ARID2: variants seen among roughly 807,000 people sequenced by gnomAD.
The protein encoded by ARID2 is AT-rich interaction domain 2.
In ARID2, 32 loss-of-function variants were observed where a neutral mutation model predicts 184.6. That is an observed-to-expected ratio of 0.17 (90% CI 0.13 to 0.23). The LOEUF (loss-of-function observed/expected upper bound fraction) is 0.23. ARID2 is among the 10% of genes least tolerant of loss of function. The pLI, the probability that ARID2 is intolerant of heterozygous loss-of-function variation, is 1.00. For synonymous variants in ARID2, 836 were observed against 772.6 expected, an observed-to-expected ratio of 1.08 and a Z score of -1.36; for missense variants, 1,696 against 2,197.6, an observed-to-expected ratio of 0.77 and a Z score of 4.56.
At chr12:45,786,666 T>G (rs916995320) in intron 3 of ARID2, among the ~76,000 whole-genome samples, 4 of 152,234 alleles carry the variant, frequency 2.6e-5, no homozygotes, top group African/African-American at 9.6e-5. Flanking sequence ...GAAATCAGTA[T>G]ATTGAAGAGG....
chr12:45,851,715 C>G lies in ARID2; in HGVS notation c.3592C>G (p.Pro1198Ala), dbSNP rs757713971. 3 of 1,614,132 alleles carry G rather than the reference C, an allele frequency of 1.9e-6. No individual in the cohort carries two copies. Among genetic ancestry groups the G allele is most frequent in the Non-Finnish European group, 2.5e-6 (3 of 1,180,008 alleles). ...SQGNATQLIA[P>A]AGITMSGTQT... ...GGGAAATGCAACTCAGCTCATTGCT[C>G]CAGCAGGAATTACCATGAGCGGAAC... The change falls in exon 15 of 21, where the codon CCA (proline) becomes GCA (alanine). Residue 1198 changes from proline (P) to alanine (A), a missense_variant. By Grantham distance (27) the Pro-to-Ala change is conservative. Around this residue, in one of 11 missense-constraint regions of ARID2, gnomAD observed 428 missense variants for 409.1 expected, o/e 1.05. Coordinates refer to ENST00000334344, the MANE Select transcript of ARID2 (RefSeq NM_152641.4).
intron 3 of ARID2, among the ~76,000 whole-genome samples, chr12:45,768,612 G>C (rs113329943): frequency 1.5e-3 from 226 of 152,258 alleles, no homozygotes; most frequent in African/African-American, 5.2e-3. Context: ...AAAAACAGGA[G>C]GGTGCGGTGA....
At chr12:45,872,671 G>A (rs1335821539) in intron 16 of ARID2, among the ~76,000 whole-genome samples, 2 of 152,186 alleles carry the variant, frequency 1.3e-5, no homozygotes, top group Admixed American at 1.3e-4. Context: ...ACAGCAGCAC[G>A]GGCGTAACCG....
chr12:45,826,348 A>G (rs1386513223), intron 6 of ARID2, among the ~76,000 whole-genome samples: 1 of 152,094 alleles, frequency 6.6e-6, no homozygotes, highest in Non-Finnish European at 1.5e-5. Context: ...ATTTGAATTA[A>G]TAGTTAAATA....
intron 20 of ARID2, among the ~76,000 whole-genome samples, chr12:45,895,443 T>G (rs1363431523): frequency 6.6e-5 from 10 of 152,242 alleles, no homozygotes; most frequent in Non-Finnish European, 1.5e-4. Flanking sequence ...CTTTGTATCT[T>G]TAGTGCCTAG....
intron 3 of ARID2, among the ~76,000 whole-genome samples, chr12:45,798,990 A>G (rs775239429): frequency 3.7e-4 from 56 of 152,012 alleles, no homozygotes; most frequent in Admixed American, 8.5e-4. Flanking sequence ...CTAATATATT[A>G]ACCTGGGTAT....
At position 45,905,140 on chromosome 12, in the gene ARID2, G is replaced by A; in HGVS notation, c.*62G>A. The A allele has an allele frequency of 1.3e-6, 2 of 1,533,580 alleles. No homozygotes were observed. The highest frequency in any genetic ancestry group is 1.8e-6 in the Non-Finnish European group (2 of 1,130,112). The allele number at this position is 1,533,580 out of a possible 1,614,324, so 95.0% of individuals were successfully genotyped here. On this transcript the variant is annotated 3_prime_UTR_variant, in exon 21 of 21. Coordinates refer to ENST00000334344, the MANE Select transcript of ARID2 (RefSeq NM_152641.4). ...CAGCCACATTTCACATACTGTTACTGAAGAAAGCACCAAGTCTTAATGGAA... is the reference window on the plus strand; with the variant it reads ...CAGCCACATTTCACATACTGTTACTAAAGAAAGCACCAAGTCTTAATGGAA...
At chr12:45,766,361 T>C (rs973645097) in intron 3 of ARID2, among the ~76,000 whole-genome samples, 1 of 150,084 alleles carries the variant, frequency 6.7e-6, no homozygotes, top group Non-Finnish European at 1.5e-5. Flanking sequence ...TAGAGATGGG[T>C]TTCATTATAT....
At chr12:45,808,620 C>G (rs543001412) in intron 3 of ARID2, among the ~76,000 whole-genome samples, 1 of 152,188 alleles carries the variant, frequency 6.6e-6, no homozygotes, top group African/African-American at 2.4e-5. Flanking sequence ...GTTCACTCCA[C>G]ATCTCTTACG....
intron 3 of ARID2, among the ~76,000 whole-genome samples, chr12:45,767,931 C>T (rs1033748969): frequency 6.6e-6 from 1 of 152,186 alleles, no homozygotes; most frequent in Non-Finnish European, 1.5e-5. Context: ...TTTCTGTAGA[C>T]CCACTTTCCG....
chr12:45,886,227 A>G (rs1426288841), intron 16 of ARID2, among the ~76,000 whole-genome samples: 3 of 152,026 alleles, frequency 2.0e-5, no homozygotes, highest in African/African-American at 7.3e-5. Context: ...GCACCATCCA[A>G]ATCCATAATC....
intron 3 of ARID2, among the ~76,000 whole-genome samples, chr12:45,798,106 A>G (rs1942424997): frequency 6.6e-6 from 1 of 152,126 alleles, no homozygotes; most frequent in African/African-American, 2.4e-5. Context: ...CTTTTTTACT[A>G]TGTGTCACCA....
At chr12:45,743,197 T>TA (rs1170486157) in intron 3 of ARID2, among the ~76,000 whole-genome samples, 1,632 of 140,710 alleles carry the variant, frequency 0.012, 18 homozygotes, top group African/African-American at 0.033. Flanking sequence ...ACTAAAAAAA[T>TA]AAAAAAAAAA....
chr12:45,757,128 A>G (rs1247167404), intron 3 of ARID2, among the ~76,000 whole-genome samples: 1 of 152,158 alleles, frequency 6.6e-6, no homozygotes, highest in African/African-American at 2.4e-5. Context: ...ATCCCCTTTC[A>G]TTGTACAATT....
chr12:45,750,763 G>T (rs921085152), intron 3 of ARID2, among the ~76,000 whole-genome samples: 1 of 152,116 alleles, frequency 6.6e-6, no homozygotes. Flanking sequence ...TTATTTGCCA[G>T]GTACTATGCT....
intron 3 of ARID2, among the ~76,000 whole-genome samples, chr12:45,788,451 C>T (rs540968756): frequency 1.4e-4 from 21 of 152,138 alleles, no homozygotes; most frequent in Non-Finnish European, 2.4e-4. Flanking sequence ...TAAGCATACT[C>T]TATGACCCTG....
At chr12:45,731,850 A>C (rs2137964001) in intron 3 of ARID2, among the ~76,000 whole-genome samples, 1 of 152,088 alleles carries the variant, frequency 6.6e-6, no homozygotes, top group Non-Finnish European at 1.5e-5. Context: ...TGTTTTGATA[A>C]TTACTTTTTG....
intron 20 of ARID2, chr12:45,904,218 C>G: frequency 1.7e-6 from 1 of 578,694 alleles, no homozygotes; most frequent in Non-Finnish European, 3.1e-6. Flanking sequence ...CTTGGTTTCA[C>G]TTAATGAAGA....
intron 3 of ARID2, among the ~76,000 whole-genome samples, chr12:45,809,036 A>T (rs1316105637): frequency 6.6e-6 from 1 of 152,198 alleles, no homozygotes; most frequent in Non-Finnish European, 1.5e-5. Context: ...AAGTGCTGGG[A>T]TTACAGGCGT....
Sources: gnomAD v4.1 joint callset for allele counts (sites outside exome capture counted in the v4.1 genomes callset) on GRCh38, gnomAD v4.1.1 for gene constraint, gnomAD v4.1.1 regional missense constraint, MANE v1.5 for transcripts, NCBI Gene and HGNC (gene_info 2026-07-23, HGNC 2026-07-21) for gene names.